Variants in ADAM32 observed in about 807,000 individuals in gnomAD.
ADAM32 encodes disintegrin and metalloproteinase domain-containing protein 32.
In ADAM32, 89 loss-of-function variants were observed where a neutral mutation model predicts 114.9. The ratio of observed to expected loss-of-function variants is 0.77; its 90% CI spans 0.65 to 0.92. The LOEUF (loss-of-function observed/expected upper bound fraction) is 0.92. Ranked by LOEUF, ADAM32 falls within the 40% of genes least tolerant of loss-of-function variation. The probability of loss-of-function intolerance (pLI) is 0.00; values close to 1 mark genes in which losing one functional copy is unlikely to be tolerated. For synonymous variants in ADAM32, 285 were observed against 307.5 expected, an observed-to-expected ratio of 0.93 and a Z score of 0.77; for missense variants, 870 against 932.8, an observed-to-expected ratio of 0.93 and a Z score of 0.88.
At chr8:39,279,213 C>T (rs947890037) in intron 22 of ADAM32, among the ~76,000 whole-genome samples, 1 of 152,158 alleles carries the variant, frequency 6.6e-6, no homozygotes, top group African/African-American at 2.4e-5. Flanking sequence ...GACTCTTTCT[C>T]ATTCTTTCTC....
chr8:39,249,802 CT>C (rs1811169968), intron 17 of ADAM32, among the ~76,000 whole-genome samples: 2 of 152,080 alleles, frequency 1.3e-5, no homozygotes, highest in Non-Finnish European at 2.9e-5. Flanking sequence ...AAAGGCATGT[CT>C]ACTGGTGATA....
intron 14 of ADAM32, among the ~76,000 whole-genome samples, chr8:39,228,578 A>T (rs926676310): frequency 2.0e-5 from 3 of 152,214 alleles, no homozygotes; most frequent in Non-Finnish European, 4.4e-5. Flanking sequence ...TAGAAGAAAG[A>T]AATTCAGAGC....
chr8:39,220,741 T>G (rs1333787095), intron 12 of ADAM32, among the ~76,000 whole-genome samples: 1 of 152,092 alleles, frequency 6.6e-6, no homozygotes, highest in Non-Finnish European at 1.5e-5. Flanking sequence ...TTGTTATTGA[T>G]TTCTAGTTTT....
Position 39,225,981 on chromosome 8 carries a change from T to C in ADAM32, c.1525+2743T>C, listed in dbSNP as rs544885384. Among the ~76,000 whole-genome samples, 31 of 152,182 alleles carry C rather than the reference T, an allele frequency of 2.0e-4. 1 individual carries two copies. The highest frequency in any genetic ancestry group is 3.3e-4 in the Admixed American group (5 of 15,298). On this transcript the variant is annotated intron_variant, in intron 14 of 24. Coordinates refer to ENST00000379907, the MANE Select transcript of ADAM32 (RefSeq NM_145004.7). The stretch of plus-strand genomic sequence containing the variant: ...AGATCTTCAAATTGCCTGAACAAGA[T>C]TCAAAATAATTGTTCTAAGGATACT...
chr8:39,109,164 C>T (rs1006069456), intron 1 of ADAM32, among the ~76,000 whole-genome samples: 3 of 152,166 alleles, frequency 2.0e-5, no homozygotes, highest in Non-Finnish European at 4.4e-5. Context: ...TCTCAAAGAG[C>T]TTTTGTTTAT....
intron 6 of ADAM32, among the ~76,000 whole-genome samples, chr8:39,154,490 C>T (rs1055680916): frequency 5.3e-5 from 8 of 152,126 alleles, no homozygotes; most frequent in African/African-American, 1.9e-4. Context: ...AACAGTGCAG[C>T]AATAAACATA....
chr8:39,154,492 A>G (rs1201262833), intron 6 of ADAM32, among the ~76,000 whole-genome samples: 3 of 152,204 alleles, frequency 2.0e-5, no homozygotes, highest in Admixed American at 6.5e-5. Flanking sequence ...CAGTGCAGCA[A>G]TAAACATATG....
rs377232360 is a variant in ADAM32, at chr8:39,165,104, A to G, written c.741A>G (p.Thr247=). The G allele has an allele frequency of 1.2e-6, 2 of 1,609,738 alleles. No individual in the cohort carries two copies. The highest frequency in any genetic ancestry group is 1.7e-5 in the Admixed American group (1 of 59,544). The part of the protein sequence containing the change: ...ELWSDENKIS[T]VGEADELLQK... ...GGTCAGATGAAAATAAGATTTCTACAGTTGGTGAGGCAGATGAATTATTGC... is the reference window on the plus strand; with the variant it reads ...GGTCAGATGAAAATAAGATTTCTACGGTTGGTGAGGCAGATGAATTATTGC... The change falls in exon 9 of 25, where the codon ACA becomes ACG. Residue 247 remains threonine, a synonymous_variant. Coordinates refer to ENST00000379907, the MANE Select transcript of ADAM32 (RefSeq NM_145004.7).
chr8:39,128,646 C>G (rs1169173872), intron 2 of ADAM32, among the ~76,000 whole-genome samples: 1 of 152,154 alleles, frequency 6.6e-6, no homozygotes, highest in African/African-American at 2.4e-5. Context: ...TTTGTAGTGG[C>G]TGGTAACAGG....
intron 22 of ADAM32, among the ~76,000 whole-genome samples, chr8:39,278,285 G>A (rs558434261): frequency 1.3e-4 from 19 of 151,388 alleles, no homozygotes; most frequent in Non-Finnish European, 2.4e-4. Flanking sequence ...AGAATGGGGA[G>A]GGGCAGGGCC....
chr8:39,211,345 AATTG>A (rs1808202943), intron 12 of ADAM32, 21 bp downstream of exon 12: 2 of 1,436,800 alleles, frequency 1.4e-6, no homozygotes, highest in African/African-American at 2.9e-5. Context: ...TAACTAGGAA[AATTG>A]ATTAATAAAT....
At chr8:39,117,891 T>C (rs1840442379) in intron 1 of ADAM32, among the ~76,000 whole-genome samples, 195 bp from the exon 2 acceptor site, 1 of 152,154 alleles carries the variant, frequency 6.6e-6, no homozygotes, top group Non-Finnish European at 1.5e-5. Context: ...GCTGCATACC[T>C]CTTCCCTTCT....
At chr8:39,260,678 T>A (rs1811966337) in intron 19 of ADAM32, among the ~76,000 whole-genome samples, 2 of 152,126 alleles carry the variant, frequency 1.3e-5, no homozygotes, top group African/African-American at 2.4e-5. Context: ...GATTTTTACA[T>A]CTATATTAAT....
chr8:39,270,066 C>T (rs780113776), intron 19 of ADAM32, among the ~76,000 whole-genome samples: 12 of 152,154 alleles, frequency 7.9e-5, no homozygotes, highest in East Asian at 5.8e-4. Flanking sequence ...AAACCACTAC[C>T]GTGATTCAAT....
intron 16 of ADAM32, among the ~76,000 whole-genome samples, chr8:39,242,070 G>A (rs973540881): frequency 6.6e-6 from 1 of 152,106 alleles, no homozygotes; most frequent in East Asian, 1.9e-4. Flanking sequence ...CAAATCTCTA[G>A]GGCATGGACA....
intron 16 of ADAM32, 66 bp downstream of exon 16, chr8:39,234,148 T>C: frequency 5.3e-6 from 6 of 1,128,496 alleles, no homozygotes; most frequent in Non-Finnish European, 6.9e-6. Context: ...TTTATTTAAG[T>C]ATCAAATTTT....
intron 17 of ADAM32, 115 bp from the exon 18 acceptor site, chr8:39,254,298 CT>C: frequency 1.5e-6 from 1 of 687,136 alleles, no homozygotes; most frequent in Non-Finnish European, 2.3e-6. Context: ...ATATGTGAGA[CT>C]GTCGCTCTAA....
intron 4 of ADAM32, among the ~76,000 whole-genome samples, chr8:39,148,423 C>T (rs536224744): frequency 1.3e-4 from 19 of 151,850 alleles, no homozygotes; most frequent in African/African-American, 2.4e-4. Context: ...CCCTATTAGT[C>T]GTTGACTAAC....
At chr8:39,182,593 C>G (rs1044869599) in intron 10 of ADAM32, among the ~76,000 whole-genome samples, 11 of 152,150 alleles carry the variant, frequency 7.2e-5, no homozygotes, top group Admixed American at 6.5e-5. Context: ...ACTGTAGTTA[C>G]CAAGCGGTAC....
Sources: gnomAD v4.1 joint callset for allele counts (sites outside exome capture counted in the v4.1 genomes callset) on GRCh38, gnomAD v4.1.1 for gene constraint, MANE v1.5 for transcripts, NCBI Gene and HGNC (gene_info 2026-07-23, HGNC 2026-07-21) for gene names.